The following CMSS1 variants were observed in gnomAD, a reference collection of about 807,000 sequenced individuals.
CMSS1 encodes the protein cms1 ribosomal small subunit homolog, also known as protein CMSS1.
Under a neutral mutation model 43.5 loss-of-function variants are expected in CMSS1, and 33 were observed. That is an observed-to-expected ratio of 0.76 (90% CI 0.57 to 1.01). The LOEUF is 1.01. CMSS1 is among the 50% of genes least tolerant of loss of function. The pLI is 0.00. For synonymous variants in CMSS1, 115 were observed against 117.2 expected (o/e 0.98, Z 0.12); for missense variants, 313 against 326.4 (o/e 0.96, Z 0.32).
Position 100,062,358 on chromosome 3 carries a change from G to A in CMSS1, c.65-84615G>A, listed in dbSNP as rs572324290. ...GATCTCCTGACCTCGCGATCCACCC[G>A]TCTCGGCCTCTCAAAGTGCTAGGAT... On this transcript the variant is annotated intron_variant, in intron 1 of 9. Transcript: ENST00000421999. 2.3e-4 allele frequency among the ~76,000 whole-genome samples: 35 copies of A among 152,014 alleles called. No homozygotes were observed. The South Asian group carries it at 5.6e-3, about 24-fold the overall frequency.
At chr3:100,020,030 C>G (rs2064780138) in intron 1 of CMSS1, among the ~76,000 whole-genome samples, 1 of 152,130 alleles carries the variant, frequency 6.6e-6, no homozygotes, top group African/African-American at 2.4e-5. Flanking sequence ...AGTAATTACC[C>G]TGGGTAGTAG....
At chr3:99,990,561 CA>C (rs1272636792) in intron 1 of CMSS1, among the ~76,000 whole-genome samples, 1 of 152,126 alleles carries the variant, frequency 6.6e-6, no homozygotes, top group East Asian at 1.9e-4. Context: ...GTCATGGCCA[CA>C]ATTAGAATTA....
chr3:100,142,429 A>G (rs1200270428), intron 1 of CMSS1, among the ~76,000 whole-genome samples: 1 of 152,242 alleles, frequency 6.6e-6, no homozygotes, highest in Non-Finnish European at 1.5e-5. Context: ...ATCTAGAGAT[A>G]ATTTAAAGTA....
intron 1 of CMSS1, among the ~76,000 whole-genome samples, chr3:99,977,262 A>G (rs1708999988): frequency 6.6e-6 from 1 of 152,132 alleles, no homozygotes; most frequent in Non-Finnish European, 1.5e-5. Flanking sequence ...TCATCCCAGG[A>G]GCAGTGGGGA....
rs537573511 is a variant in CMSS1, at chr3:100,177,145, T to C, written c.756+730T>C. On this transcript the variant is annotated intron_variant, in intron 9 of 9. Transcript: ENST00000421999. ...AACTATCAAAGAGGCTTGGAAATAC[T>C]CTTCCAAACATGCTGAATGAATTAA... Among the ~76,000 whole-genome samples the C allele has an allele frequency of 7.2e-5, 11 of 152,300 alleles. No homozygotes were observed. In the East Asian group the frequency reaches 2.1e-3, roughly 29 times the overall value.
intron 1 of CMSS1, among the ~76,000 whole-genome samples, chr3:100,138,178 T>C (rs1559768689): frequency 1.3e-5 from 2 of 152,152 alleles, no homozygotes; most frequent in African/African-American, 2.4e-5. Context: ...TTACAACTTA[T>C]ACAAAAATTA....
chr3:100,125,232 C>T (rs181569373), intron 1 of CMSS1, among the ~76,000 whole-genome samples: 1 of 152,134 alleles, frequency 6.6e-6, no homozygotes, highest in South Asian at 2.1e-4. Context: ...CTTCTCATGA[C>T]GGAACATAAC....
intron 1 of CMSS1, among the ~76,000 whole-genome samples, chr3:100,029,458 C>A (rs954275388): frequency 4.6e-5 from 7 of 152,038 alleles, no homozygotes; most frequent in African/African-American, 1.7e-4. Flanking sequence ...GCATTTGCAA[C>A]CTTTGCCAAG....
intron 1 of CMSS1, among the ~76,000 whole-genome samples, chr3:100,046,419 A>G (rs925078189): frequency 1.3e-5 from 2 of 152,128 alleles, no homozygotes; most frequent in Non-Finnish European, 2.9e-5. Context: ...CACTGAAAGT[A>G]AACAACCTTT....
intron 1 of CMSS1, among the ~76,000 whole-genome samples, chr3:100,109,418 A>G (rs2066450818): frequency 6.6e-6 from 1 of 152,208 alleles, no homozygotes; most frequent in Non-Finnish European, 1.5e-5. Context: ...AACCACCATT[A>G]TAGTCAAGAC....
intron 1 of CMSS1, among the ~76,000 whole-genome samples, chr3:99,913,149 C>CT (rs1706845104): frequency 6.6e-6 from 1 of 152,220 alleles, no homozygotes; most frequent in Admixed American, 6.5e-5. Flanking sequence ...ACCCTCATCT[C>CT]TGACTTCCAC....
At chr3:99,951,820 A>G (rs944803238) in intron 1 of CMSS1, among the ~76,000 whole-genome samples, 13 of 152,164 alleles carry the variant, frequency 8.5e-5, no homozygotes, top group African/African-American at 2.2e-4. Context: ...CTCAAACTCT[A>G]TCTTTCCAGA....
chr3:100,101,185 A>G (rs2107457137), intron 1 of CMSS1, among the ~76,000 whole-genome samples: 1 of 152,292 alleles, frequency 6.6e-6, no homozygotes, highest in African/African-American at 2.4e-5. Flanking sequence ...TTTCTGAGAC[A>G]GCGTTATACT....
intron 1 of CMSS1, among the ~76,000 whole-genome samples, chr3:100,037,447 A>C (rs1383577450): frequency 6.6e-6 from 1 of 152,032 alleles, no homozygotes; most frequent in Non-Finnish European, 1.5e-5. Context: ...AAACAAAGCA[A>C]ACAGACACAC....
At chr3:99,959,055 G>C (rs1035205410) in intron 1 of CMSS1, among the ~76,000 whole-genome samples, 3 of 152,134 alleles carry the variant, frequency 2.0e-5, no homozygotes, top group African/African-American at 7.2e-5. Flanking sequence ...GGTTATAAAT[G>C]TAACAGAATT....
intron 1 of CMSS1, chr3:99,848,448 G>A (rs1355554752): frequency 2.5e-6 from 4 of 1,614,158 alleles, no homozygotes; most frequent in Admixed American, 1.7e-5. Flanking sequence ...GTCTCACAGG[G>A]CTGGCTACAG....
At position 100,106,863 on chromosome 3, in the gene CMSS1, T is replaced by A. The variant is rs774808936; in HGVS notation, c.65-40110T>A. On this transcript the variant is annotated intron_variant, in intron 1 of 9. Transcript: ENST00000421999. ...AGATGCCAGAGGTTATATTGTTGCT[T>A]TTTAAAAATATGCAGAAAGTTAATA... 1.6e-4 allele frequency among the ~76,000 whole-genome samples: 24 copies of A among 152,156 alleles called. 1 individual carries two copies. Among genetic ancestry groups the A allele is most frequent in the Non-Finnish European group, 1.6e-4 (11 of 68,036 alleles).
chr3:100,107,461 C>G (rs1374984032), intron 1 of CMSS1, among the ~76,000 whole-genome samples: 1 of 152,098 alleles, frequency 6.6e-6, no homozygotes, highest in Non-Finnish European at 1.5e-5. Flanking sequence ...ACGGGTGTGT[C>G]ATGATTTGAA....
At chr3:99,900,705 A>G (rs1263112478) in intron 1 of CMSS1, among the ~76,000 whole-genome samples, 1 of 152,192 alleles carries the variant, frequency 6.6e-6, no homozygotes, top group Non-Finnish European at 1.5e-5. Context: ...TTTTCCACGC[A>G]AGTCTTAAGT....
Sources: allele counts gnomAD v4.1 joint callset (sites outside exome capture counted in the v4.1 genomes callset), GRCh38; gene constraint gnomAD v4.1.1; transcripts MANE v1.5; gene names NCBI Gene and HGNC (gene_info 2026-07-23, HGNC 2026-07-21).